Variants in CLPTM1L observed in about 807,000 individuals in gnomAD.
CLPTM1L encodes the protein lipid scramblase CLPTM1L.
Under a neutral mutation model 70.9 loss-of-function variants are expected in CLPTM1L, and 38 were observed. That is an observed-to-expected ratio of 0.54 (90% confidence interval 0.41 to 0.70). The LOEUF (loss-of-function observed/expected upper bound fraction) is 0.70, where lower values mean the gene tolerates loss of function less well. Ranked by LOEUF, CLPTM1L falls within the 30% of genes least tolerant of loss-of-function variation. The pLI, the probability that CLPTM1L is intolerant of heterozygous loss-of-function variation, is 0.00. For missense variants in CLPTM1L, 652 were observed against 705.9 expected (o/e 0.92, Z 0.87); for synonymous variants, 339 against 299.9 (o/e 1.13, Z -1.35).
intron 6 of CLPTM1L, 56 bp downstream of exon 6, chr5:1,335,001 T>C (rs2111242286): frequency 2.9e-6 from 4 of 1,380,066 alleles, no homozygotes; most frequent in Admixed American, 1.7e-5. Flanking sequence ...CGCACTTGGA[T>C]GCCCGAGGGG....
At chr5:1,324,978 A>AT in intron 10 of CLPTM1L, 165 bp from the exon 11 acceptor site, 2 of 630,588 alleles carry the variant, frequency 3.2e-6, no homozygotes, top group Non-Finnish European at 5.7e-6. Flanking sequence ...GAGGACGGGG[A>AT]TCCGCATGGA....
At chr5:1,320,440 T>C (rs1293722456) in intron 16 of CLPTM1L, 176 bp downstream of exon 16, 1 of 489,316 alleles carries the variant, frequency 2.0e-6, no homozygotes, top group Admixed American at 4.1e-5. Context: ...TGCCAGGACA[T>C]ATCATGGGCA....
intron 15 of CLPTM1L, 96 bp from the exon 16 acceptor site, chr5:1,320,827 T>C: frequency 4.7e-6 from 3 of 632,800 alleles, no homozygotes; most frequent in East Asian, 3.0e-5. Context: ...TTTTGGCAGA[T>C]GCTTGGAACT....
At chr5:1,322,946 C>G (rs1405348716) in intron 12 of CLPTM1L, 35 bp from the exon 13 acceptor site, 2 of 1,587,788 alleles carry the variant, frequency 1.3e-6, no homozygotes, top group African/African-American at 2.7e-5. Flanking sequence ...TCCTATTTCT[C>G]GCATAGCTTA....
Position 1,341,874 on chromosome 5 carries a change from A to G in CLPTM1L, c.264-14T>C, listed in dbSNP as rs373037593. ...ACATTAACTGTCCTGAAACAGAACAATCATTTCCACTACATACATATTATA... is the reference window on the plus strand; with the variant it reads ...ACATTAACTGTCCTGAAACAGAACAGTCATTTCCACTACATACATATTATA... On this transcript the variant is annotated splice_polypyrimidine_tract_variant and intron_variant, in intron 2 of 16. Transcript: ENST00000320895. 2.1e-5 allele frequency: 34 copies of G among 1,599,398 alleles called. No individual in the cohort carries two copies. The highest frequency in any genetic ancestry group is 2.8e-5 in the Non-Finnish European group (33 of 1,168,198).
intron 13 of CLPTM1L, among the ~76,000 whole-genome samples, chr5:1,322,186 G>A (rs1466840970): frequency 6.6e-6 from 1 of 152,192 alleles, no homozygotes; most frequent in Admixed American, 6.5e-5. Context: ...TACCAGGGAG[G>A]ACGGCAGTGC....
At chr5:1,332,618 GCAGCCTTGCT>G (rs1020697514) in intron 7 of CLPTM1L, among the ~76,000 whole-genome samples, 3 of 152,196 alleles carry the variant, frequency 2.0e-5, no homozygotes, top group Admixed American at 6.5e-5. Context: ...TAAGAGCACA[GCAGCCTTGCT>G]TTACCCATGG....
intron 10 of CLPTM1L, chr5:1,325,287 A>T (rs1752451761): frequency 4.1e-6 from 1 of 243,862 alleles, no homozygotes; most frequent in Non-Finnish European, 7.9e-6. Context: ...ATCCGTGGGC[A>T]CTGAGATTCA....
chr5:1,323,703 C>T (rs919104357), intron 12 of CLPTM1L, 84 bp downstream of exon 12: 1 of 1,217,850 alleles, frequency 8.2e-7, no homozygotes. Context: ...GTTTGCCCTC[C>T]AGTCGCACCC....
At position 1,339,722 on chromosome 5, in the gene CLPTM1L, C is replaced by G. The variant is rs1427720712; in HGVS notation, c.454-717G>C. Among the ~76,000 whole-genome samples, 2 of 74,060 alleles carry G rather than the reference C, an allele frequency of 2.7e-5. 1 individual carries two copies. The highest frequency in any genetic ancestry group is 2.3e-4 in the Admixed American group (2 of 8,770). 48.6% of individuals were successfully genotyped at this position (74,060 alleles called of 152,430 possible). A position where few individuals can be genotyped will look rare whatever the true frequency, so the allele number is the denominator to read the frequency against. On this transcript the variant is annotated intron_variant, in intron 3 of 16. Transcript: ENST00000320895. ...CGGGACAGCAGAGTCAGCGCCCTAA[C>G]CTGTGAACAGATGGCCACGCACATG...
At chr5:1,329,944 T>TCAC (rs1241707402) in intron 9 of CLPTM1L, among the ~76,000 whole-genome samples, 20 of 139,126 alleles carry the variant, frequency 1.4e-4, no homozygotes, top group African/African-American at 4.5e-4. Context: ...GCCTCAGGAC[T>TCAC]CTCTGCTTGG....
At chr5:1,328,914 T>TCATCCAGCTCCTCCTCTGCAGACACATTC (rs1752864146) in intron 9 of CLPTM1L, among the ~76,000 whole-genome samples, 1 of 144,594 alleles carries the variant, frequency 6.9e-6, no homozygotes, top group Admixed American at 6.9e-5. Flanking sequence ...CAGACACATT[T>TCATCCAGCTCCTCCTCTGCAGACACATTC]CATCCAGCTC....
rs1354465854 is a variant in CLPTM1L, at chr5:1,342,323, A to C, written c.264-463T>G. 2.0e-5 allele frequency among the ~76,000 whole-genome samples: 3 copies of C among 152,202 alleles called. No individual in the cohort carries two copies. The highest frequency in any genetic ancestry group is 4.4e-5 in the Non-Finnish European group (3 of 68,026). Reference sequence around the variant, plus strand: ...CGGCCCACACTACTGGAACCTCAGAAATTTAATGTGGGTAGTTTTTTTGGG... The same window carrying C: ...CGGCCCACACTACTGGAACCTCAGACATTTAATGTGGGTAGTTTTTTTGGG... On this transcript the variant is annotated intron_variant, in intron 2 of 16. Transcript: ENST00000320895. The surrounding 1 kb of genome is among the most constrained non-coding windows in gnomAD (Gnocchi z 4.3).
rs751793001 is a variant in CLPTM1L, at chr5:1,321,782, C to T, written c.1353G>A (p.Gln451=). 2 of 1,614,054 alleles carry T rather than the reference C, an allele frequency of 1.2e-6. No homozygotes were observed. The highest frequency in any genetic ancestry group is 1.7e-6 in the Non-Finnish European group (2 of 1,179,978). Residue 451 remains glutamine, a synonymous_variant, in exon 14 of 17, where the codon CAG becomes CAA. Coordinates refer to ENST00000320895, the MANE Select transcript of CLPTM1L (RefSeq NM_030782.5). Reference sequence around the variant, plus strand: ...GCCTTACCTTGTAGTTCACAAAGAGCTGGGGCAGCATGAAGAGGAAACCAA... The same window carrying T: ...GCCTTACCTTGTAGTTCACAAAGAGTTGGGGCAGCATGAAGAGGAAACCAA... ...YAFGFLFMLP[Q]LFVNYKLKSV...
Position 1,318,628 on chromosome 5 carries a change from T to G in CLPTM1L, c.1533-175A>C, listed in dbSNP as rs1279779328. ...GAGGGCTGAGGAGGGATTTCTGAGT[T>G]GTGTTTTGTTCTGCATGGCCAGGCC... On this transcript the variant is annotated intron_variant, in intron 16 of 16. Coordinates refer to ENST00000320895, the MANE Select transcript of CLPTM1L (RefSeq NM_030782.5). The surrounding 1 kb of genome is among the most constrained non-coding windows in gnomAD (Gnocchi z 8.9). Among the ~76,000 whole-genome samples, 2 of 152,180 alleles carry G rather than the reference T, an allele frequency of 1.3e-5. No individual in the cohort carries two copies. The highest frequency in any genetic ancestry group is 2.9e-5 in the Non-Finnish European group (2 of 68,020).
At position 1,344,398 on chromosome 5, in the gene CLPTM1L, G is replaced by A. The variant is rs775625685; in HGVS notation, c.216C>T (p.Asp72=). The A allele has an allele frequency of 3.1e-6, 5 of 1,613,884 alleles. No homozygotes were observed. Among genetic ancestry groups the A allele is most frequent in the Non-Finnish European group, 4.2e-6 (5 of 1,180,006 alleles). ...CAAAGTCTTCCACATTCAAGACCAG[G>A]TCGATGTTGTTCTCAGCACCCAGGT... ...RSHLGAENNI[D]LVLNVEDFDV... Residue 72 remains aspartate (D), a synonymous_variant, in exon 2 of 17, where the codon GAC becomes GAT. Coordinates refer to ENST00000320895, the MANE Select transcript of CLPTM1L (RefSeq NM_030782.5).
intron 15 of CLPTM1L, 24 bp from the exon 16 acceptor site, chr5:1,320,755 G>A: frequency 7.3e-7 from 1 of 1,361,502 alleles, no homozygotes; most frequent in Non-Finnish European, 1.0e-6. Flanking sequence ...CGGGAGGAGG[G>A]TGAACCCCAG....
intron 11 of CLPTM1L, chr5:1,324,103 A>G: frequency 3.6e-6 from 2 of 557,406 alleles, no homozygotes; most frequent in South Asian, 5.0e-5. Flanking sequence ...GCGCTAGTTA[A>G]CAATAATAGA....
At chr5:1,344,581 C>G in intron 1 of CLPTM1L, 99 bp downstream of exon 1, 1 of 1,462,246 alleles carries the variant, frequency 6.8e-7, no homozygotes, top group South Asian at 1.2e-5. Context: ...TCGACTCGCG[C>G]GGCCACAGCT....
Sources: gnomAD v4.1 joint callset for allele counts (sites outside exome capture counted in the v4.1 genomes callset) on GRCh38, gnomAD v4.1.1 for gene constraint, Gnocchi (gnomAD v3.1) non-coding constraint, MANE v1.5 for transcripts, NCBI Gene and HGNC (gene_info 2026-07-23, HGNC 2026-07-21) for gene names.